The following INPP4B variants were observed in gnomAD, a reference collection of about 807,000 sequenced individuals.
INPP4B encodes the protein inositol polyphosphate-4-phosphatase type II B.
Under a neutral mutation model 122.5 loss-of-function variants are expected in INPP4B, and 55 were observed. The observed-to-expected ratio is 0.45, with a 90% CI of 0.36 to 0.56. The LOEUF is 0.56. INPP4B is among the 20% of genes least tolerant of loss of function. The pLI, the probability that INPP4B is intolerant of heterozygous loss-of-function variation, is 0.00. For synonymous variants in INPP4B, 403 were observed against 388.7 expected (o/e 1.04, Z -0.43); for missense variants, 1,000 against 1,097.7 (o/e 0.91, Z 1.26).
At chr4:142,829,575 GAA>G (rs201273410) in intron 1 of INPP4B, among the ~76,000 whole-genome samples, 4 of 149,750 alleles carry the variant, frequency 2.7e-5, no homozygotes, top group African/African-American at 7.4e-5. Context: ...ATCCTAACCA[GAA>G]AAAAAAAGAC....
chr4:142,585,806 C>T (rs115439057), intron 2 of INPP4B, among the ~76,000 whole-genome samples: 2,132 of 151,162 alleles, frequency 0.014, 39 homozygotes, highest in African/African-American at 0.041. Flanking sequence ...AGATTAGAGA[C>T]AATATTATGA....
At chr4:142,458,298 G>A (rs889398398) in intron 3 of INPP4B, among the ~76,000 whole-genome samples, 2 of 152,078 alleles carry the variant, frequency 1.3e-5, no homozygotes, top group Admixed American at 6.6e-5. Flanking sequence ...TAAATGGACA[G>A]GAAGAGGGAA....
chr4:142,480,107 T>A (rs1162941565), intron 2 of INPP4B, among the ~76,000 whole-genome samples: 1 of 152,148 alleles, frequency 6.6e-6, no homozygotes, highest in South Asian at 2.1e-4. Context: ...CAGATCTACA[T>A]GTGCCAAATA....
At chr4:142,828,125 A>C (rs574500318) in intron 1 of INPP4B, among the ~76,000 whole-genome samples, 61 of 152,318 alleles carry the variant, frequency 4.0e-4, no homozygotes, top group African/African-American at 1.4e-3. Flanking sequence ...TACAATGCTG[A>C]GCTCACAAGA....
At chr4:142,409,943 A>G (rs1299778294) in intron 5 of INPP4B, among the ~76,000 whole-genome samples, 3 of 152,244 alleles carry the variant, frequency 2.0e-5, no homozygotes, top group Non-Finnish European at 4.4e-5. Flanking sequence ...GGGACTCTTC[A>G]GGATTTTTGT....
At chr4:142,807,107 C>T (rs1448575527) in intron 1 of INPP4B, among the ~76,000 whole-genome samples, 3 of 152,100 alleles carry the variant, frequency 2.0e-5, no homozygotes, top group Admixed American at 1.3e-4. Flanking sequence ...GCACAAGCAC[C>T]GTTAATTCAA....
chr4:142,833,150 T>C (rs901496408), intron 1 of INPP4B, among the ~76,000 whole-genome samples: 6 of 152,092 alleles, frequency 3.9e-5, no homozygotes, highest in African/African-American at 1.2e-4. Flanking sequence ...CAATAGGGAA[T>C]GGCGGAGACC....
intron 1 of INPP4B, among the ~76,000 whole-genome samples, chr4:142,826,395 G>T (rs1022093244): frequency 6.6e-6 from 1 of 151,954 alleles, no homozygotes; most frequent in African/African-American, 2.4e-5. Flanking sequence ...CTTTAGATTT[G>T]CCCTTGCAGA....
intron 25 of INPP4B, among the ~76,000 whole-genome samples, chr4:142,052,827 A>G (rs1393626882): frequency 1.3e-5 from 2 of 152,072 alleles, no homozygotes. Context: ...CTATAAGCCC[A>G]CAGTCTATTC....
chr4:142,835,693 G>C (rs1163019595), intron 1 of INPP4B, among the ~76,000 whole-genome samples: 1 of 152,176 alleles, frequency 6.6e-6, no homozygotes, highest in Non-Finnish European at 1.5e-5. Context: ...GTTATACAAA[G>C]TAATAGATAA....
intron 15 of INPP4B, among the ~76,000 whole-genome samples, chr4:142,190,747 C>T (rs3104277): frequency 0.75 from 101,471 of 135,732 alleles, 35,597 homozygotes; most frequent in Non-Finnish European, 0.81. Context: ...TGTGTGTGTG[C>T]GCGTGTGTGT....
intron 25 of INPP4B, among the ~76,000 whole-genome samples, chr4:142,058,033 G>T (rs1758615261): frequency 6.6e-6 from 1 of 152,014 alleles, no homozygotes; most frequent in Admixed American, 6.6e-5. Context: ...ACCGGAGTTA[G>T]CTTAGGGCAA....
intron 9 of INPP4B, among the ~76,000 whole-genome samples, chr4:142,280,202 T>C (rs1381328656): frequency 6.6e-6 from 1 of 151,800 alleles, no homozygotes; most frequent in African/African-American, 2.4e-5. Context: ...ATATTTACCC[T>C]AGAGAAATGA....
intron 2 of INPP4B, among the ~76,000 whole-genome samples, chr4:142,477,566 T>C (rs1819951755): frequency 6.6e-6 from 1 of 151,670 alleles, no homozygotes; most frequent in Admixed American, 6.6e-5. Context: ...AAGATCCAAA[T>C]AAAGACAATA....
intron 1 of INPP4B, among the ~76,000 whole-genome samples, chr4:142,798,510 T>C (rs1407157200): frequency 1.3e-5 from 2 of 151,842 alleles, no homozygotes; most frequent in Non-Finnish European, 2.9e-5. Flanking sequence ...TAAGTAAATA[T>C]GTAGGAAAGA....
chr4:142,678,588 A>G (rs1371996462), intron 2 of INPP4B, among the ~76,000 whole-genome samples: 11 of 151,956 alleles, frequency 7.2e-5, no homozygotes, highest in Non-Finnish European at 2.9e-5. Flanking sequence ...TCCAGGAAAG[A>G]CTAATTAGAA....
intron 2 of INPP4B, among the ~76,000 whole-genome samples, chr4:142,688,735 CA>C (rs1481994115): frequency 2.0e-5 from 3 of 152,162 alleles, no homozygotes; most frequent in Non-Finnish European, 2.9e-5. Flanking sequence ...GTAGGACTAA[CA>C]AATTCGCCAT....
At chr4:142,367,382 A>G (rs1208393962) in intron 7 of INPP4B, among the ~76,000 whole-genome samples, 1 of 152,120 alleles carries the variant, frequency 6.6e-6, no homozygotes, top group Non-Finnish European at 1.5e-5. Flanking sequence ...ACAGTTACTA[A>G]CAAATATTGT....
intron 1 of INPP4B, among the ~76,000 whole-genome samples, chr4:142,800,698 A>G (rs1326657956): frequency 1.3e-5 from 2 of 152,200 alleles, no homozygotes; most frequent in African/African-American, 4.8e-5. Flanking sequence ...AGGATGTTAT[A>G]GTATAATACT....
Sources: allele counts gnomAD v4.1 joint callset (sites outside exome capture counted in the v4.1 genomes callset), GRCh38; gene constraint gnomAD v4.1.1; transcripts MANE v1.5; gene names NCBI Gene and HGNC (gene_info 2026-07-23, HGNC 2026-07-21).